TMC5: variants seen among roughly 807,000 people sequenced by gnomAD.
The protein encoded by TMC5 is transmembrane channel like 5.
Under a neutral mutation model 110.5 loss-of-function variants are expected in TMC5, and 86 were observed. The ratio of observed to expected loss-of-function variants is 0.78; its 90% confidence interval spans 0.65 to 0.93. The LOEUF (loss-of-function observed/expected upper bound fraction) is 0.93, where lower values mean the gene tolerates loss of function less well. TMC5 is among the 40% of genes least tolerant of loss of function. TMC5 has a pLI of 0.00. For missense variants in TMC5, 1,144 were observed against 1,222.8 expected, an observed-to-expected ratio of 0.94 and a Z score of 0.96; for synonymous variants, 455 against 439.5, an observed-to-expected ratio of 1.04 and a Z score of -0.44.
chr16:19,480,727 C>G (rs1968596736), intron 14 of TMC5, among the ~76,000 whole-genome samples: 1 of 150,446 alleles, frequency 6.6e-6, no homozygotes, highest in African/African-American at 2.5e-5. Flanking sequence ...ATCGCTTGAA[C>G]CCGGGAGATG....
chr16:19,416,339 A>G (rs1432942608), upstream of TMC5, among the ~76,000 whole-genome samples: 1 of 152,198 alleles, frequency 6.6e-6, no homozygotes. Context: ...TATTTGTAAA[A>G]ATACAGAAAT....
At chr16:19,441,593 A>G (rs1967491951) in intron 3 of TMC5, among the ~76,000 whole-genome samples, 1 of 152,018 alleles carries the variant, frequency 6.6e-6, no homozygotes, top group African/African-American at 2.4e-5. Flanking sequence ...ATGCCCGGCC[A>G]TGTTTGCACC....
At chr16:19,437,114 G>A (rs1389200929) in intron 2 of TMC5, among the ~76,000 whole-genome samples, 1 of 152,194 alleles carries the variant, frequency 6.6e-6, no homozygotes, top group Non-Finnish European at 1.5e-5. Flanking sequence ...GGTCGAGGTT[G>A]CATCGAGCTG....
chr16:19,442,355 G>T (rs1233676819), intron 3 of TMC5, among the ~76,000 whole-genome samples: 4 of 137,728 alleles, frequency 2.9e-5, no homozygotes, highest in Non-Finnish European at 4.5e-5. Flanking sequence ...TTGAGACAGC[G>T]TCTCACTCTG....
chr16:19,466,057 A>T (rs936249869), intron 8 of TMC5, 25 bp from the exon 9 acceptor site: 1 of 1,612,560 alleles, frequency 6.2e-7, no homozygotes. Context: ...GATCCACCTG[A>T]CCTATGGTTT....
intron 6 of TMC5, among the ~76,000 whole-genome samples, chr16:19,462,991 T>C (rs1363931017): frequency 6.6e-6 from 1 of 151,662 alleles, no homozygotes; most frequent in Non-Finnish European, 1.5e-5. Flanking sequence ...CTCACTGCAG[T>C]CTCAAACTTT....
intron 9 of TMC5, among the ~76,000 whole-genome samples, chr16:19,469,287 G>C (rs770796318): frequency 2.6e-5 from 4 of 151,810 alleles, no homozygotes; most frequent in Non-Finnish European, 4.4e-5. Context: ...CTTGGAGGTG[G>C]AGGTTGCAGT....
chr16:19,460,120 C>T, intron 5 of TMC5, 115 bp from the exon 6 acceptor site: 1 of 639,608 alleles, frequency 1.6e-6, no homozygotes, highest in Non-Finnish European at 2.6e-6. Flanking sequence ...CTTTGAGATC[C>T]CCAACTCCAT....
chr16:19,411,771 C>A (rs1188554818), intron 1 of TMC5: 1 of 152,270 alleles, frequency 6.6e-6, no homozygotes, highest in Non-Finnish European at 1.5e-5. Context: ...CAGTGCCTGG[C>A]ACACAGTAGA....
chr16:19,438,118 G>A (rs1468404167), intron 2 of TMC5, among the ~76,000 whole-genome samples: 1 of 152,162 alleles, frequency 6.6e-6, no homozygotes, highest in Non-Finnish European at 1.5e-5. Flanking sequence ...GAGGCCAGGT[G>A]CAGTGGCTTA....
chr16:19,458,674 C>G (rs1967946223), intron 5 of TMC5, among the ~76,000 whole-genome samples: 1 of 152,216 alleles, frequency 6.6e-6, no homozygotes, highest in Non-Finnish European at 1.5e-5. Flanking sequence ...TCTCACACTG[C>G]TGGCTCCCTG....
At chr16:19,435,051 G>C (rs1046353325) in intron 2 of TMC5, among the ~76,000 whole-genome samples, 10 of 152,152 alleles carry the variant, frequency 6.6e-5, no homozygotes, top group Non-Finnish European at 1.2e-4. Flanking sequence ...GTTTTCATTG[G>C]TTCCGATTTT....
chr16:19,428,146 T>C (rs1967124364), intron 1 of TMC5, among the ~76,000 whole-genome samples: 1 of 152,202 alleles, frequency 6.6e-6, no homozygotes, highest in Non-Finnish European at 1.5e-5. Context: ...GAATCTTAGC[T>C]AGCGGAAAGA....
intron 4 of TMC5, among the ~76,000 whole-genome samples, chr16:19,447,648 A>G (rs973415217): frequency 6.6e-6 from 1 of 152,002 alleles, no homozygotes; most frequent in Non-Finnish European, 1.5e-5. Context: ...GCAGTGGTGC[A>G]ATCTCAGCTC....
At chr16:19,475,859 C>T (rs962568989) in intron 12 of TMC5, among the ~76,000 whole-genome samples, 18 of 139,946 alleles carry the variant, frequency 1.3e-4, no homozygotes, top group Non-Finnish European at 1.8e-4. Context: ...GGCTGGAGTG[C>T]GGTGGCATGA....
intron 9 of TMC5, among the ~76,000 whole-genome samples, chr16:19,468,865 G>A (rs1386890236): frequency 6.6e-6 from 1 of 152,166 alleles, no homozygotes; most frequent in East Asian, 1.9e-4. Flanking sequence ...GGTGGCATGT[G>A]CCTGTAGTTC....
At position 19,487,292 on chromosome 16, in the gene TMC5, G is replaced by A. The variant is rs746207413; in HGVS notation, c.2539G>A (p.Gly847Arg). The change falls in exon 17 of 22, where the codon GGG (glycine) becomes AGG (arginine). Residue 847 changes from glycine to arginine, a missense_variant. Transcript: ENST00000542583. ...IFLLFFPSFTGVLCTLAITIW... is the reference protein window; with the variant it reads ...IFLLFFPSFTRVLCTLAITIW... ...CTTGCTCTTTTTCCCATCCTTCACC[G>A]GGGTCTTGTGCACCCTGGCCATCAC... 3.9e-5 allele frequency: 63 copies of A among 1,614,076 alleles called. No individual in the cohort carries two copies. Among genetic ancestry groups the A allele is most frequent in the Non-Finnish European group, 4.7e-5 (56 of 1,179,998 alleles).
upstream of TMC5, among the ~76,000 whole-genome samples, chr16:19,415,533 G>A (rs1004599847): frequency 3.3e-5 from 5 of 152,228 alleles, no homozygotes; most frequent in African/African-American, 1.2e-4. Context: ...ACAACAGGCA[G>A]TTGTCTGGCC....
chr16:19,486,872 C>T (rs1968755241), intron 15 of TMC5, 73 bp from the exon 16 acceptor site: 12 of 1,365,332 alleles, frequency 8.8e-6, no homozygotes, highest in Non-Finnish European at 1.2e-5. Flanking sequence ...TCTCTTCCCC[C>T]CAACCATCCC....
Sources: gnomAD v4.1 joint callset for allele counts (sites outside exome capture counted in the v4.1 genomes callset) on GRCh38, gnomAD v4.1.1 for gene constraint, MANE v1.5 for transcripts, NCBI Gene and HGNC (gene_info 2026-07-23, HGNC 2026-07-21) for gene names.